C11orf54: variants seen among roughly 807,000 people sequenced by gnomAD.
C11orf54 encodes beta-keto-L-gulonate decarboxylase, also known as beta-keto L-gulonate decarboxylase.
Under a neutral mutation model 35.5 loss-of-function variants are expected in C11orf54, and 29 were observed. The ratio of observed to expected loss-of-function variants is 0.82; its 90% confidence interval spans 0.61 to 1.11. The LOEUF (loss-of-function observed/expected upper bound fraction) is 1.11, where lower values mean the gene tolerates loss of function less well. C11orf54 is among the 50% of genes most tolerant of loss of function. The probability of loss-of-function intolerance (pLI) is 0.00; values close to 1 mark genes in which losing one functional copy is unlikely to be tolerated. For synonymous variants in C11orf54, 108 were observed against 121.1 expected (o/e 0.89, Z 0.71); for missense variants, 373 against 369.2 (o/e 1.01, Z -0.08).
intron 1 of C11orf54, among the ~76,000 whole-genome samples, chr11:93,744,736 G>A (rs1182311638): frequency 1.3e-5 from 2 of 152,208 alleles, no homozygotes; most frequent in South Asian, 2.1e-4. Flanking sequence ...GGTATTTCTC[G>A]TCAAGTGGGA....
At chr11:93,754,440 A>G (rs1410830331) in intron 5 of C11orf54, among the ~76,000 whole-genome samples, 1 of 152,252 alleles carries the variant, frequency 6.6e-6, no homozygotes, top group Non-Finnish European at 1.5e-5. Context: ...ACCAAATAGT[A>G]GGAAACTATC....
At chr11:93,756,167 C>CAAAAAAAAA (rs1210508995) in intron 6 of C11orf54, among the ~76,000 whole-genome samples, 3 of 26,998 alleles carry the variant, frequency 1.1e-4, no homozygotes, top group South Asian at 1.7e-3. Context: ...ACTCTGTCTC[C>CAAAAAAAAA]AAAAAAAAAA....
intron 3 of C11orf54, among the ~76,000 whole-genome samples, chr11:93,751,820 CTTTTTTTTTTTTTT>C (rs35146074): frequency 1.7e-4 from 14 of 80,228 alleles, no homozygotes; most frequent in Non-Finnish European, 4.7e-5. Flanking sequence ...AATGGTTAAT[CTTTTTTTTTTTTTT>C]TTTTTTTTTG....
At chr11:93,748,220 G>A (rs1942590348) in intron 2 of C11orf54, among the ~76,000 whole-genome samples, 1 of 151,650 alleles carries the variant, frequency 6.6e-6, no homozygotes, top group African/African-American at 2.4e-5. Flanking sequence ...TAATTGAATG[G>A]TAGCTAATAA....
chr11:93,755,102 G>A, intron 5 of C11orf54, 108 bp from the exon 6 acceptor site: 1 of 1,105,174 alleles, frequency 9.0e-7, no homozygotes, highest in Non-Finnish European at 1.3e-6. Flanking sequence ...TCTCTTATTA[G>A]GACTTGAACT....
At chr11:93,749,638 G>A (rs903087691) in intron 2 of C11orf54, among the ~76,000 whole-genome samples, 1 of 151,360 alleles carries the variant, frequency 6.6e-6, no homozygotes, top group Non-Finnish European at 1.5e-5. Flanking sequence ...AATATAGCAA[G>A]ACCTGGTCTC....
chr11:93,757,682 A>C (rs1036327019), intron 7 of C11orf54, among the ~76,000 whole-genome samples: 4 of 152,180 alleles, frequency 2.6e-5, no homozygotes, highest in Admixed American at 6.5e-5. Flanking sequence ...GGCATGCAGC[A>C]TCACAACCGG....
At chr11:93,754,158 C>A in intron 5 of C11orf54, 121 bp downstream of exon 5, 1 of 792,246 alleles carries the variant, frequency 1.3e-6, no homozygotes, top group Non-Finnish European at 2.1e-6. Flanking sequence ...AGGTTTGATA[C>A]TACTTGATGT....
chr11:93,741,755 G>A (rs1341099292), intron 1 of C11orf54, 27 bp downstream of exon 1: 2 of 305,914 alleles, frequency 6.5e-6, no homozygotes, highest in South Asian at 5.2e-5. Context: ...AGAACATTTC[G>A]GCAAATAACA....
At chr11:93,758,940 T>A (rs553268113) in intron 7 of C11orf54, among the ~76,000 whole-genome samples, 217 of 152,352 alleles carry the variant, frequency 1.4e-3, no homozygotes, top group African/African-American at 4.6e-3. Flanking sequence ...TGGTGCTTTT[T>A]CCAGGCCCAC....
intron 7 of C11orf54, 67 bp downstream of exon 7, chr11:93,757,532 GA>G (rs915883937): frequency 3.4e-6 from 5 of 1,483,032 alleles, no homozygotes; most frequent in African/African-American, 2.8e-5. Context: ...AAGATCTTAG[GA>G]TTTTTTTTTT....
At chr11:93,757,216 G>T (rs1591361524) in intron 6 of C11orf54, 100 bp from the exon 7 acceptor site, 1 of 1,325,086 alleles carries the variant, frequency 7.5e-7, no homozygotes, top group Admixed American at 2.6e-5. Context: ...TCTAAGCAAA[G>T]AACAGAATAT....
chr11:93,749,979 T>C (rs1942725039), intron 2 of C11orf54, among the ~76,000 whole-genome samples: 1 of 152,372 alleles, frequency 6.6e-6, no homozygotes, highest in African/African-American at 2.4e-5. Flanking sequence ...ACATATTGTC[T>C]GTTACCTTCA....
At position 93,755,223 on chromosome 11, in the gene C11orf54, T is replaced by C; in HGVS notation, c.344T>C (p.Ile115Thr). 2.5e-6 allele frequency: 4 copies of C among 1,614,028 alleles called. No homozygotes were observed. Among genetic ancestry groups the C allele is most frequent in the Non-Finnish European group, 3.4e-6 (4 of 1,179,930 alleles). Residue 115 changes from isoleucine (I) to threonine (T), a missense_variant, in exon 6 of 9, where the codon ATT becomes ACT. Transcript: ENST00000354421. ...LGFNSEFMPV[I>T]QTESEHKPPV... ...CTTTCTTTTCAGTTTATGCCAGTTATTCAGACAGAAAGTGAACACAAGCCT... is the reference window on the plus strand; with the variant it reads ...CTTTCTTTTCAGTTTATGCCAGTTACTCAGACAGAAAGTGAACACAAGCCT...
rs1436203548 is a variant in C11orf54 at position 93,763,456 on chromosome 11, G to C, written c.*1768G>C. On this transcript the variant is annotated 3_prime_UTR_variant, in exon 9 of 9. Coordinates refer to ENST00000354421, the MANE Select transcript of C11orf54 (RefSeq NM_001286069.2). ...ACTCAAAATTTGGTTCACATGTCCA[G>C]ACTGATAGCCAAGTTCAGTGGCTCA... The C allele has an allele frequency of 1.3e-5, 2 of 152,132 alleles. No homozygotes were observed. Among genetic ancestry groups the C allele is most frequent in the African/African-American group, 4.8e-5 (2 of 41,416 alleles). The allele number at this position is 152,132 out of a possible 1,614,324, so 9.4% of individuals were successfully genotyped here. A position where few individuals can be genotyped will look rare whatever the true frequency, so the allele number is the denominator to read the frequency against.
At chr11:93,755,978 C>G (rs1204963953) in intron 6 of C11orf54, among the ~76,000 whole-genome samples, 1 of 151,674 alleles carries the variant, frequency 6.6e-6, no homozygotes, top group African/African-American at 2.4e-5. Context: ...ACCAGTCTGG[C>G]CAACATAGCG....
intron 7 of C11orf54, among the ~76,000 whole-genome samples, chr11:93,758,131 G>C (rs1005477213): frequency 2.0e-5 from 3 of 152,220 alleles, no homozygotes; most frequent in Non-Finnish European, 4.4e-5. Flanking sequence ...TCAACATAGT[G>C]ATGATGGCAG....
intron 7 of C11orf54, among the ~76,000 whole-genome samples, chr11:93,758,764 G>A (rs1353157061): frequency 1.3e-5 from 2 of 152,264 alleles, no homozygotes; most frequent in African/African-American, 2.4e-5. Context: ...CTGGCCTTCA[G>A]GCACCCCTTG....
intron 3 of C11orf54, among the ~76,000 whole-genome samples, chr11:93,753,218 C>G (rs1783938): frequency 0.56 from 84,391 of 151,896 alleles, 24,872 homozygotes; most frequent in Admixed American, 0.69. Context: ...TTCAGGTGAT[C>G]CACCCGCCTC....
Sources: allele counts gnomAD v4.1 joint callset (sites outside exome capture counted in the v4.1 genomes callset), GRCh38; gene constraint gnomAD v4.1.1; transcripts MANE v1.5; gene names NCBI Gene and HGNC (gene_info 2026-07-23, HGNC 2026-07-21).